The following CPEB4 variants were observed in gnomAD, a reference collection of about 807,000 sequenced individuals.
The protein encoded by CPEB4 is cytoplasmic polyadenylation element binding protein 4.
A neutral mutation model predicts 72.5 loss-of-function variants in CPEB4; 12 were observed. The ratio of observed to expected loss-of-function variants is 0.17; its 90% confidence interval spans 0.11 to 0.27. The LOEUF is 0.27. Among genes scored for constraint, CPEB4 ranks in the 10% least tolerant of loss-of-function variants. CPEB4 has a pLI of 1.00. For synonymous variants in CPEB4, 302 were observed against 326.3 expected (o/e 0.93, Z 0.80); for missense variants, 614 against 908.5 (o/e 0.68, Z 4.17).
chr5:173,941,276 C>G (rs188570821), intron 3 of CPEB4, among the ~76,000 whole-genome samples: 6 of 152,278 alleles, frequency 3.9e-5, no homozygotes, highest in Admixed American at 3.9e-4. Flanking sequence ...GTCTTTCTAA[C>G]CTCTGTCTGA....
intron 3 of CPEB4, among the ~76,000 whole-genome samples, chr5:173,933,400 C>A (rs990152046): frequency 5.3e-5 from 8 of 152,070 alleles, no homozygotes; most frequent in Non-Finnish European, 1.0e-4. Flanking sequence ...CTTTTGAAAT[C>A]AATATGTTGA....
At chr5:173,938,541 T>A (rs1036478105) in intron 3 of CPEB4, among the ~76,000 whole-genome samples, 2 of 152,182 alleles carry the variant, frequency 1.3e-5, no homozygotes, top group Non-Finnish European at 2.9e-5. Flanking sequence ...AAGCCAGTTA[T>A]CTGATAACAT....
chr5:173,939,906 G>T (rs1459062150), intron 3 of CPEB4, among the ~76,000 whole-genome samples: 1 of 148,320 alleles, frequency 6.7e-6, no homozygotes, highest in African/African-American at 2.5e-5. Flanking sequence ...GAGCTCGGGG[G>T]TTTGAGACCA....
chr5:173,900,758 AT>A lies in CPEB4; in HGVS notation c.1126-9763del, dbSNP rs1561606528. 6.6e-6 allele frequency among the ~76,000 whole-genome samples: 1 copy of A among 152,150 alleles called. No homozygotes were observed. Among genetic ancestry groups the A allele is most frequent in the African/African-American group, 2.4e-5 (1 of 41,444 alleles). Reference sequence around the variant, plus strand: ...AAATGTGAGTTTCATGCTTTTTTTCATTGCACCATAGAAGGGGCAGAGAAAT... The same window carrying A: ...AAATGTGAGTTTCATGCTTTTTTTCATGCACCATAGAAGGGGCAGAGAAAT... On this transcript the variant is annotated intron_variant, in intron 1 of 9. Coordinates refer to ENST00000265085, the MANE Select transcript of CPEB4 (RefSeq NM_030627.4). The surrounding 1 kb of genome is among the most constrained non-coding windows in gnomAD (Gnocchi z 4.4).
At chr5:173,944,907 A>G in intron 4 of CPEB4, 60 bp from the exon 5 acceptor site, 1 of 1,423,228 alleles carries the variant, frequency 7.0e-7, no homozygotes, top group Non-Finnish European at 9.7e-7. Flanking sequence ...GTTTCTTTGC[A>G]TGATAATCAG....
chr5:173,914,862 A>G (rs1026803619), intron 2 of CPEB4, among the ~76,000 whole-genome samples: 1 of 152,240 alleles, frequency 6.6e-6, no homozygotes, highest in South Asian at 2.1e-4. Context: ...AGACTTTACA[A>G]TTCAAAGACA....
rs1200781588 is a variant in CPEB4 at position 173,955,310 on chromosome 5, TTTTAGAC to T, written c.1963-598_1963-592del. Among the ~76,000 whole-genome samples, 1 of 152,102 alleles carries T rather than the reference TTTTAGAC, an allele frequency of 6.6e-6. No homozygotes were observed. The highest frequency in any genetic ancestry group is 1.5e-5 in the Non-Finnish European group (1 of 68,000). On this transcript the variant is annotated intron_variant, in intron 9 of 9. Transcript: ENST00000265085. The surrounding 1 kb of genome is among the most constrained non-coding windows in gnomAD (Gnocchi z 4.7). Reference sequence around the variant, plus strand: ...CTTACTGAGAAAGAACAAAGCAGGGTTTTAGACTGTGAATCCTATGGCTGCATCTTTT... The same window carrying T: ...CTTACTGAGAAAGAACAAAGCAGGGTTGTGAATCCTATGGCTGCATCTTTT...
chr5:173,927,984 A>G (rs1217802514), intron 2 of CPEB4, among the ~76,000 whole-genome samples: 3 of 152,236 alleles, frequency 2.0e-5, no homozygotes. Context: ...GAAATGAGCA[A>G]TCAAACCATG....
At chr5:173,921,128 A>G (rs1370154576) in intron 2 of CPEB4, among the ~76,000 whole-genome samples, 1 of 152,184 alleles carries the variant, frequency 6.6e-6, no homozygotes, top group African/African-American at 2.4e-5. Context: ...TGCTGATGTA[A>G]TGCAATTAAA....
intron 1 of CPEB4, among the ~76,000 whole-genome samples, chr5:173,908,012 G>A (rs1756506716): frequency 6.6e-6 from 1 of 152,224 alleles, no homozygotes; most frequent in South Asian, 2.1e-4. Flanking sequence ...TTGTGTTGGA[G>A]ATGGAAATGG....
At chr5:173,929,289 T>C (rs1264906463) in intron 2 of CPEB4, among the ~76,000 whole-genome samples, 2 of 152,220 alleles carry the variant, frequency 1.3e-5, no homozygotes, top group Non-Finnish European at 2.9e-5. Context: ...AGTTGAAATT[T>C]TCTCTTTAAA....
In CPEB4 at chr5:173,953,092, G is replaced by T. The variant is rs1758263926; in HGVS notation, c.1782G>T (p.Val594=). 1.3e-6 allele frequency: 2 copies of T among 1,592,128 alleles called. No individual in the cohort carries two copies. Among genetic ancestry groups the T allele is most frequent in the Non-Finnish European group, 1.7e-6 (2 of 1,168,122 alleles). Residue 594 remains valine, a splice_region_variant and synonymous_variant, in exon 9 of 10, where the codon GTG becomes GTT. Transcript: ENST00000265085. ...CCTCCTTGTTCCTTTCTTAATTAGT[G>T]GAGCTTGCGATGATAATGGATCGGC... The part of the protein sequence containing the change: ...VGGVPRPLRA[V]ELAMIMDRLY...
chr5:173,944,668 G>A (rs1021417553), intron 4 of CPEB4, among the ~76,000 whole-genome samples: 3 of 152,008 alleles, frequency 2.0e-5, no homozygotes, highest in Non-Finnish European at 2.9e-5. Context: ...GTCTTCTGCC[G>A]ACTGCTTGTT....
At chr5:173,945,794 T>C (rs1757996489) in intron 5 of CPEB4, among the ~76,000 whole-genome samples, 1 of 152,148 alleles carries the variant, frequency 6.6e-6, no homozygotes, top group African/African-American at 2.4e-5. Flanking sequence ...AAAGCCTCTT[T>C]GAGGAAGTGA....
At chr5:173,891,843 A>G (rs1263318386) in intron 1 of CPEB4, among the ~76,000 whole-genome samples, 4 of 152,172 alleles carry the variant, frequency 2.6e-5, no homozygotes, top group Non-Finnish European at 5.9e-5. Context: ...CATTGAATCT[A>G]GTTTTCCCAA....
At chr5:173,911,130 AGTTGT>A (rs1269219680) in intron 2 of CPEB4, among the ~76,000 whole-genome samples, 1 of 152,128 alleles carries the variant, frequency 6.6e-6, no homozygotes, top group Non-Finnish European at 1.5e-5. Flanking sequence ...GTTACTGACA[AGTTGT>A]GTTATCTTGA....
At chr5:173,944,731 T>A (rs1757957336) in intron 4 of CPEB4, among the ~76,000 whole-genome samples, 1 of 152,160 alleles carries the variant, frequency 6.6e-6, no homozygotes, top group South Asian at 2.1e-4. Flanking sequence ...AGTTTCTGGA[T>A]CCCAGTGGGA....
At chr5:173,939,208 A>G (rs1476144694) in intron 3 of CPEB4, among the ~76,000 whole-genome samples, 8 of 152,206 alleles carry the variant, frequency 5.3e-5, no homozygotes, top group Non-Finnish European at 1.2e-4. Context: ...TTAAATGTAC[A>G]CAATAAGGAT....
chr5:173,927,773 TCTAAAAA>T (rs1159503552), intron 2 of CPEB4, among the ~76,000 whole-genome samples: 1 of 150,384 alleles, frequency 6.6e-6, no homozygotes, highest in Non-Finnish European at 1.5e-5. Context: ...TGAGACTCCA[TCTAAAAA>T]AAAAAAAGAT....
Sources: allele counts gnomAD v4.1 joint callset (sites outside exome capture counted in the v4.1 genomes callset), GRCh38; gene constraint gnomAD v4.1.1; non-coding constraint Gnocchi (gnomAD v3.1); transcripts MANE v1.5; gene names NCBI Gene and HGNC (gene_info 2026-07-23, HGNC 2026-07-21).